The following ATP2B4 variants were observed in gnomAD, a reference collection of about 807,000 sequenced individuals.
ATP2B4 encodes the protein ATPase plasma membrane Ca2+ transporting 4.
Under a neutral mutation model 110.3 loss-of-function variants are expected in ATP2B4, and 39 were observed. The ratio of observed to expected loss-of-function variants is 0.35; its 90% CI spans 0.27 to 0.46. The LOEUF is 0.46. Among genes scored for constraint, ATP2B4 ranks in the 20% least tolerant of loss-of-function variants. The pLI is 1.00. For missense variants in ATP2B4, 1,135 were observed against 1,530.9 expected (o/e 0.74, Z 4.32); for synonymous variants, 538 against 571.7 (o/e 0.94, Z 0.84).
rs555921357 is a variant in ATP2B4 at position 203,739,711 on chromosome 1, GC to G, written c.3476del (p.Ala1159ValfsTer43). The G allele has an allele frequency of 7.4e-6, 12 of 1,614,130 alleles. No homozygotes were observed. The East Asian group carries it at 2.5e-4, about 33-fold the overall frequency. On this transcript the variant is annotated frameshift_variant, in exon 21 of 21. Coordinates refer to ENST00000357681, the MANE Select transcript of ATP2B4 (RefSeq NM_001684.5). LOFTEE classifies it low-confidence loss of function (END_TRUNC). ...GGAAGAGGAGGAAAATCCTGACAAG[GC>G]TTCTAAGTTTGGGACTAGGGTGCTC... ...DEEEEENPDK[A>X]SKFGTRVLLL... is the part of the protein sequence containing the mutation.
intron 1 of ATP2B4, among the ~76,000 whole-genome samples, chr1:203,649,636 A>C (rs930549122): frequency 6.6e-6 from 1 of 151,986 alleles, no homozygotes; most frequent in Non-Finnish European, 1.5e-5. Context: ...AACAAAACAA[A>C]ACAAAAAAAT....
In ATP2B4 at chr1:203,662,946, A is replaced by C. The variant is rs528024166; in HGVS notation, c.-464-19796A>C. Among the ~76,000 whole-genome samples the C allele has an allele frequency of 2.1e-4, 32 of 152,304 alleles. No homozygotes were observed. In the South Asian group the frequency reaches 4.1e-3, roughly 20 times the overall value. On this transcript the variant is annotated intron_variant, in intron 1 of 20. Coordinates refer to ENST00000357681, the MANE Select transcript of ATP2B4 (RefSeq NM_001684.5). Reference sequence around the variant, plus strand: ...TGCGCATGACATCACCTGAACCCAGAAGTGCTAGCTAGAGAGAAGTGATTA... The same window carrying C: ...TGCGCATGACATCACCTGAACCCAGCAGTGCTAGCTAGAGAGAAGTGATTA...
At chr1:203,714,397 C>A in intron 15 of ATP2B4, 120 bp downstream of exon 15, 1 of 930,088 alleles carries the variant, frequency 1.1e-6, no homozygotes, top group Non-Finnish European at 1.7e-6. Flanking sequence ...CTTTTTTGTC[C>A]AACTCCATCT....
rs2102390540 is a variant in ATP2B4 at position 203,703,641 on chromosome 1, G to A, written c.938-11G>A. The A allele has an allele frequency of 6.2e-7, 1 of 1,613,342 alleles. No homozygotes were observed. The highest frequency in any genetic ancestry group is 1.1e-5 in the South Asian group (1 of 90,970). On this transcript the variant is annotated splice_polypyrimidine_tract_variant and intron_variant, in intron 7 of 20. Transcript: ENST00000357681. The stretch of plus-strand genomic sequence containing the variant: ...GCCTGCTCACCTGTCCTATTTGTGT[G>A]TACACTCCAGCAAAGACCCAAGACG...
At chr1:203,632,830 G>A (rs61825607) in intron 1 of ATP2B4, among the ~76,000 whole-genome samples, 2,285 of 152,218 alleles carry the variant, frequency 0.015, 24 homozygotes, top group Middle Eastern at 0.045. Flanking sequence ...AGTAACTATG[G>A]TGATATTTCT....
chr1:203,689,251 C>A (rs1665295210), intron 2 of ATP2B4, among the ~76,000 whole-genome samples: 1 of 152,192 alleles, frequency 6.6e-6, no homozygotes, highest in South Asian at 2.1e-4. Flanking sequence ...TTTCCTTAGT[C>A]TCAATACCCT....
Position 203,739,845 on chromosome 1 carries a change from A to G in ATP2B4, c.3609A>G (p.Thr1203=), listed in dbSNP as rs377144810. 31 of 1,604,198 alleles carry G rather than the reference A, an allele frequency of 1.9e-5. No homozygotes were observed. The African/African-American group carries it at 2.9e-4, about 15-fold the overall frequency. ...QSDSSLQSLE[T]SV ...ACAGCTCTCTACAGAGCCTAGAGAC[A>G]TCAGTTTGAATTTTCTTTCTCTGAC... Residue 1203 remains threonine, a synonymous_variant, in exon 21 of 21, where the codon ACA becomes ACG. Transcript: ENST00000357681.
intron 1 of ATP2B4, among the ~76,000 whole-genome samples, chr1:203,643,064 G>C (rs1003024222): frequency 1.3e-5 from 2 of 152,126 alleles, no homozygotes; most frequent in East Asian, 3.8e-4. Context: ...CTGTCTCCCC[G>C]TAGCGAAAGG....
intron 19 of ATP2B4, among the ~76,000 whole-genome samples, chr1:203,725,441 G>T (rs116301126): frequency 0.016 from 2,362 of 152,250 alleles, 64 homozygotes; most frequent in African/African-American, 0.055. Context: ...GAGCCACCGT[G>T]CCCAGCCTCA....
At chr1:203,675,058 G>A (rs1162203824) in intron 1 of ATP2B4, among the ~76,000 whole-genome samples, 1 of 152,122 alleles carries the variant, frequency 6.6e-6, no homozygotes, top group Non-Finnish European at 1.5e-5. Flanking sequence ...GTGGCCAGGG[G>A]TCAGGGGGAC....
At chr1:203,656,919 T>G (rs576479187) in intron 1 of ATP2B4, 49 of 603,856 alleles carry the variant, frequency 8.1e-5, no homozygotes, top group African/African-American at 1.9e-5. Flanking sequence ...GTAATGGCAG[T>G]TTTTTCAGTT....
At chr1:203,672,322 C>CTTTTT (rs1558026410) in intron 1 of ATP2B4, among the ~76,000 whole-genome samples, 1 of 76,888 alleles carries the variant, frequency 1.3e-5, no homozygotes, top group African/African-American at 5.1e-5. Flanking sequence ...GTTGCGGTGG[C>CTTTTT]TCTTTTTTTT....
At chr1:203,712,550 C>T (rs1307919438) in intron 13 of ATP2B4, among the ~76,000 whole-genome samples, 1 of 151,496 alleles carries the variant, frequency 6.6e-6, no homozygotes, top group Non-Finnish European at 1.5e-5. Flanking sequence ...AAGATCATGC[C>T]ACTGCACTCC....
intron 1 of ATP2B4, among the ~76,000 whole-genome samples, chr1:203,669,458 T>A (rs1039409450): frequency 1.3e-5 from 2 of 152,154 alleles, no homozygotes; most frequent in African/African-American, 4.8e-5. Context: ...TTTTTTGAGA[T>A]GGAGTCTGGC....
At chr1:203,734,424 C>T (rs1666823759) in intron 20 of ATP2B4, among the ~76,000 whole-genome samples, 1 of 152,090 alleles carries the variant, frequency 6.6e-6, no homozygotes, top group Non-Finnish European at 1.5e-5. Context: ...ATCAGTTAAT[C>T]TTGGCTGGGT....
chr1:203,631,614 G>C (rs1187930800), intron 1 of ATP2B4, among the ~76,000 whole-genome samples: 1 of 152,062 alleles, frequency 6.6e-6, no homozygotes, highest in Non-Finnish European at 1.5e-5. Flanking sequence ...AACATCCCAG[G>C]CTCCGTGCTG....
At chr1:203,713,695 C>T (rs1376337262) in intron 14 of ATP2B4, among the ~76,000 whole-genome samples, 1 of 152,136 alleles carries the variant, frequency 6.6e-6, no homozygotes, top group Non-Finnish European at 1.5e-5. Context: ...GAACTCCTGA[C>T]CCCAGGTGAT....
rs546287696 is a variant in ATP2B4, at chr1:203,677,557, G to C, written c.-464-5185G>C. Among the ~76,000 whole-genome samples, 5 of 152,288 alleles carry C rather than the reference G, an allele frequency of 3.3e-5. No individual in the cohort carries two copies. The East Asian group carries it at 5.8e-4, about 18-fold the overall frequency. On this transcript the variant is annotated intron_variant, in intron 1 of 20. Coordinates refer to ENST00000357681, the MANE Select transcript of ATP2B4 (RefSeq NM_001684.5). ...GGCTCACTGTAGCCTCTGCCTCCCA[G>C]GTTCAAGTGATTCTCCTGTCTCAGC...
chr1:203,720,082 A>G (rs1666277336), intron 15 of ATP2B4, among the ~76,000 whole-genome samples: 1 of 152,078 alleles, frequency 6.6e-6, no homozygotes, highest in East Asian at 1.9e-4. Context: ...TTTTTTTTTA[A>G]TTTAACTTAA....
Sources: gnomAD v4.1 joint callset for allele counts (sites outside exome capture counted in the v4.1 genomes callset) on GRCh38, gnomAD v4.1.1 for gene constraint, MANE v1.5 for transcripts, NCBI Gene and HGNC (gene_info 2026-07-23, HGNC 2026-07-21) for gene names.